Variants in SHISA6 observed in about 807,000 individuals in gnomAD.
The protein encoded by SHISA6 is shisa family member 6, also known as protein shisa-6.
A neutral mutation model predicts 47.9 loss-of-function variants in SHISA6; 22 were observed. The observed-to-expected ratio is 0.46, with a 90% CI of 0.33 to 0.66. The LOEUF is 0.66. SHISA6 is among the 30% of genes least tolerant of loss of function. The probability of loss-of-function intolerance (pLI) is 0.02; values close to 1 mark genes in which losing one functional copy is unlikely to be tolerated. For missense variants in SHISA6, 680 were observed against 764.6 expected (o/e 0.89, Z 1.30); for synonymous variants, 388 against 337.8 (o/e 1.15, Z -1.63).
At chr17:11,334,468 A>G (rs1911247533) in intron 2 of SHISA6, among the ~76,000 whole-genome samples, 1 of 152,216 alleles carries the variant, frequency 6.6e-6, no homozygotes, top group Admixed American at 6.5e-5. Context: ...GAACTTGGGC[A>G]TGCAGGGAGC....
chr17:11,252,025 C>T (rs1191018693), intron 1 of SHISA6, among the ~76,000 whole-genome samples: 1 of 152,162 alleles, frequency 6.6e-6, no homozygotes. Flanking sequence ...CACTAGTCTT[C>T]CGCAGGAACC....
intron 2 of SHISA6, among the ~76,000 whole-genome samples, chr17:11,368,660 A>G (rs1912531536): frequency 6.6e-6 from 1 of 151,776 alleles, no homozygotes; most frequent in South Asian, 2.1e-4. Context: ...TCGGTTATTT[A>G]TTTATTTATT....
At chr17:11,287,051 T>A (rs1259317340) in intron 2 of SHISA6, among the ~76,000 whole-genome samples, 1 of 152,222 alleles carries the variant, frequency 6.6e-6, no homozygotes, top group Non-Finnish European at 1.5e-5. Flanking sequence ...CAATTTTTAT[T>A]ACTCAATTAA....
chr17:11,333,476 G>A (rs956622278), intron 2 of SHISA6, among the ~76,000 whole-genome samples: 3 of 152,082 alleles, frequency 2.0e-5, no homozygotes, highest in Admixed American at 2.0e-4. Context: ...CTAATCTGTT[G>A]AAAACTCTAT....
At chr17:11,502,783 C>T (rs1380112780) in intron 3 of SHISA6, among the ~76,000 whole-genome samples, 7 of 152,056 alleles carry the variant, frequency 4.6e-5, no homozygotes, top group African/African-American at 7.2e-5. Flanking sequence ...GGTGGGGTTC[C>T]GGGGTTGGCA....
At chr17:11,317,613 G>GT (rs1414078817) in intron 2 of SHISA6, among the ~76,000 whole-genome samples, 3 of 151,206 alleles carry the variant, frequency 2.0e-5, no homozygotes, top group Admixed American at 6.6e-5. Context: ...TTTCGATTTT[G>GT]TTTTTTTTAA....
chr17:11,433,465 C>T (rs1037664476), intron 3 of SHISA6, among the ~76,000 whole-genome samples: 1 of 152,142 alleles, frequency 6.6e-6, no homozygotes, highest in African/African-American at 2.4e-5. Context: ...GCCACATTTT[C>T]TTTATCCAGG....
chr17:11,311,196 C>T (rs939417417), intron 2 of SHISA6, among the ~76,000 whole-genome samples: 3 of 148,028 alleles, frequency 2.0e-5, no homozygotes, highest in South Asian at 2.1e-4. Context: ...GCAGGAGAAT[C>T]GCCTGAACCT....
intron 3 of SHISA6, among the ~76,000 whole-genome samples, chr17:11,437,881 T>C (rs1238784869): frequency 2.6e-5 from 4 of 152,094 alleles, no homozygotes; most frequent in Admixed American, 1.3e-4. Context: ...CTCTTCGACA[T>C]TGGGGCTGCA....
intron 2 of SHISA6, among the ~76,000 whole-genome samples, chr17:11,309,425 A>G (rs2142184926): frequency 6.6e-6 from 1 of 152,338 alleles, no homozygotes; most frequent in East Asian, 1.9e-4. Flanking sequence ...TCTATTCTGT[A>G]GGAGATCCAT....
At chr17:11,336,792 C>T (rs1327495509) in intron 2 of SHISA6, among the ~76,000 whole-genome samples, 2 of 152,122 alleles carry the variant, frequency 1.3e-5, no homozygotes, top group Admixed American at 6.6e-5. Context: ...GATTTGGAGC[C>T]GGCACATTGT....
chr17:11,395,280 G>A (rs1203992344), intron 3 of SHISA6, among the ~76,000 whole-genome samples: 1 of 151,598 alleles, frequency 6.6e-6, no homozygotes, highest in Non-Finnish European at 1.5e-5. Flanking sequence ...GTTTTTCCTG[G>A]TCTGGGATCA....
intron 2 of SHISA6, among the ~76,000 whole-genome samples, chr17:11,288,032 A>G (rs577510200): frequency 1.3e-5 from 2 of 152,270 alleles, no homozygotes; most frequent in Admixed American, 1.3e-4. Flanking sequence ...TAACTCCCCA[A>G]TCATACACAC....
At chr17:11,500,304 A>G (rs1233742091) in intron 3 of SHISA6, among the ~76,000 whole-genome samples, 1 of 151,956 alleles carries the variant, frequency 6.6e-6, no homozygotes, top group African/African-American at 2.4e-5. Flanking sequence ...GTGCCCCAGA[A>G]TGTTTAGAGA....
chr17:11,497,648 C>T (rs2071419705), intron 3 of SHISA6, among the ~76,000 whole-genome samples: 1 of 152,246 alleles, frequency 6.6e-6, no homozygotes, highest in East Asian at 1.9e-4. Flanking sequence ...CATAAATTGT[C>T]ACCAGTCTTG....
At chr17:11,388,682 C>G (rs1217931848) in intron 3 of SHISA6, among the ~76,000 whole-genome samples, 3 of 150,552 alleles carry the variant, frequency 2.0e-5, no homozygotes, top group Non-Finnish European at 4.4e-5. Context: ...ATCCAGTCAA[C>G]CTCACACCAT....
intron 2 of SHISA6, among the ~76,000 whole-genome samples, chr17:11,286,212 C>G (rs987322018): frequency 2.0e-5 from 3 of 152,112 alleles, no homozygotes; most frequent in Admixed American, 1.3e-4. Flanking sequence ...AACATCTACC[C>G]CACAGACCAG....
intron 3 of SHISA6, among the ~76,000 whole-genome samples, chr17:11,431,798 C>CA (rs1345368123): frequency 6.6e-6 from 1 of 152,164 alleles, no homozygotes; most frequent in East Asian, 1.9e-4. Flanking sequence ...AAAAACACAA[C>CA]AAAAACAAAA....
chr17:11,242,643 T>A (rs1321250557), intron 1 of SHISA6, among the ~76,000 whole-genome samples: 1 of 151,846 alleles, frequency 6.6e-6, no homozygotes, highest in Non-Finnish European at 1.5e-5. Context: ...TCCTGCGGAG[T>A]GGGATGTTTA....
Sources: gnomAD v4.1 joint callset for allele counts (sites outside exome capture counted in the v4.1 genomes callset) on GRCh38, gnomAD v4.1.1 for gene constraint, MANE v1.5 for transcripts, NCBI Gene and HGNC (gene_info 2026-07-23, HGNC 2026-07-21) for gene names.